GJB7: variants seen among roughly 807,000 people sequenced by gnomAD.
The protein encoded by GJB7 is gap junction beta-7 protein.
For missense variants in GJB7, 253 were observed against 256.8 expected (o/e 0.99, Z 0.10); for synonymous variants, 87 against 95.2 (o/e 0.91, Z 0.50).
chr6:87,307,449 T>C (rs1382005036), intron 2 of GJB7, among the ~76,000 whole-genome samples: 2 of 152,090 alleles, frequency 1.3e-5, no homozygotes, highest in Non-Finnish European at 2.9e-5. Flanking sequence ...ACCTACAGAA[T>C]GGGAGACAAT....
intron 2 of GJB7, among the ~76,000 whole-genome samples, chr6:87,287,904 T>A (rs577683802): frequency 3.9e-5 from 6 of 152,176 alleles, no homozygotes; most frequent in African/African-American, 7.2e-5. Context: ...TCCTATTTTT[T>A]TAAAAAAATT....
chr6:87,310,517 G>A (rs997931349), intron 2 of GJB7, among the ~76,000 whole-genome samples: 1 of 152,110 alleles, frequency 6.6e-6, no homozygotes, highest in Non-Finnish European at 1.5e-5. Context: ...TGGGAGGGGG[G>A]TGAGGGATGA....
chr6:87,314,068 T>TTTTTATA (rs1776547621), intron 2 of GJB7, among the ~76,000 whole-genome samples: 1 of 152,244 alleles, frequency 6.6e-6, no homozygotes, highest in African/African-American at 2.4e-5. Flanking sequence ...AGCTATACAT[T>TTTTTATA]TCATAAGGTA....
intron 2 of GJB7, among the ~76,000 whole-genome samples, chr6:87,321,324 T>G (rs1473659927): frequency 6.6e-6 from 1 of 152,004 alleles, no homozygotes; most frequent in Admixed American, 6.6e-5. Flanking sequence ...CATTTCAAAA[T>G]AGTCAAATAA....
chr6:87,305,929 G>C (rs1423067307), intron 2 of GJB7, among the ~76,000 whole-genome samples: 1 of 152,120 alleles, frequency 6.6e-6, no homozygotes, highest in East Asian at 1.9e-4. Flanking sequence ...AATGGGGAAA[G>C]GATTCCCTAT....
intron 1 of GJB7, among the ~76,000 whole-genome samples, chr6:87,328,786 C>G (rs576322323): frequency 1.3e-5 from 2 of 152,188 alleles, no homozygotes; most frequent in African/African-American, 2.4e-5. Flanking sequence ...CCACCCAGTT[C>G]GAGCTTCCCA....
At position 87,321,658 on chromosome 6, in the gene GJB7, G is replaced by A. The variant is rs117848164; in HGVS notation, c.-28+1208C>T. On this transcript the variant is annotated intron_variant, in intron 2 of 2. Transcript: ENST00000525899. ...GGTGGTGCTTAGAATTTTATTTTTG[G>A]TTTTTGTATTAGTCTCTTCTCACAC... is the stretch of plus-strand genomic sequence containing the variant. Among the ~76,000 whole-genome samples, 1,423 of 152,148 alleles carry A rather than the reference G, an allele frequency of 9.4e-3. 11 individuals are homozygous for A. The highest frequency in any genetic ancestry group is 0.015 in the Non-Finnish European group (1,036 of 67,990).
In GJB7 at chr6:87,284,854, G is replaced by A. The variant is rs4707358; in HGVS notation, c.59C>T (p.Thr20Ile). 894,181 of 1,613,132 alleles carry A rather than the reference G, an allele frequency of 0.55. 253,616 individuals carry two copies. Among genetic ancestry groups the A allele is most frequent in the African/African-American group, 0.85 (63,900 of 74,962 alleles). The change falls in exon 3 of 3, where the codon ACT becomes ATT. Residue 20 changes from threonine (T) to isoleucine (I), a missense_variant. Transcript: ENST00000525899. The part of the protein sequence containing the change: ...LSGVNKYSTG[T>I]GWIWLAVVFV... ...CACGACAGCCAGCCAAATCCATCCA[G>A]TCCCAGTGGAGTATTTATTTACTCC...
intron 2 of GJB7, among the ~76,000 whole-genome samples, chr6:87,298,004 G>T (rs77870382): frequency 0.022 from 3,385 of 152,260 alleles, 120 homozygotes; most frequent in African/African-American, 0.077. Flanking sequence ...AATTAAAGAG[G>T]TTTGATCAAT....
At chr6:87,309,510 A>G (rs73754188) in intron 2 of GJB7, among the ~76,000 whole-genome samples, 1,683 of 152,270 alleles carry the variant, frequency 0.011, 36 homozygotes, top group African/African-American at 0.037. Context: ...AAGCTCAGAA[A>G]CAGACCCACA....
At chr6:87,315,466 T>C (rs1217262769) in intron 2 of GJB7, among the ~76,000 whole-genome samples, 2 of 152,110 alleles carry the variant, frequency 1.3e-5, no homozygotes, top group Non-Finnish European at 2.9e-5. Flanking sequence ...CCAGCAGGGA[T>C]GTGCCCAATA....
chr6:87,283,180 G>A lies in GJB7; in HGVS notation c.*1061C>T, dbSNP rs1409886713. On this transcript the variant is annotated 3_prime_UTR_variant, in exon 3 of 3. Transcript: ENST00000525899. ...ACACATTTTACTATCTGTCCTAGAGGGAGATATACTAGTAAATTATAGGCG... is the reference window on the plus strand; with the variant it reads ...ACACATTTTACTATCTGTCCTAGAGAGAGATATACTAGTAAATTATAGGCG... The A allele has an allele frequency of 6.6e-6, 1 of 152,084 alleles. No homozygotes were observed. Among genetic ancestry groups the A allele is most frequent in the South Asian group, 2.1e-4 (1 of 4,828 alleles). The allele number at this position is 152,084 out of a possible 1,614,324, so 9.4% of individuals were successfully genotyped here.
rs1776007660 is a variant in GJB7 at position 87,283,581 on chromosome 6, G to A, written c.*660C>T. ...CCTGGGCTCTGTGGCCTTTTCCCTA[G>A]GCGGGACCTTCCTGTTGAATGTTCC... On this transcript the variant is annotated 3_prime_UTR_variant, in exon 3 of 3. Transcript: ENST00000525899. The A allele has an allele frequency of 6.6e-6, 1 of 152,424 alleles. No homozygotes were observed. The highest frequency in any genetic ancestry group is 6.5e-5 in the Admixed American group (1 of 15,274). The allele number at this position is 152,424 out of a possible 1,614,324, so 9.4% of individuals were successfully genotyped here. A position where few individuals can be genotyped will look rare whatever the true frequency, so the allele number is the denominator to read the frequency against.
intron 2 of GJB7, among the ~76,000 whole-genome samples, chr6:87,315,083 C>A (rs1253223043): frequency 6.6e-6 from 1 of 152,120 alleles, no homozygotes; most frequent in Non-Finnish European, 1.5e-5. Context: ...TGGAAGAAAG[C>A]ATCTCTTTTC....
intron 2 of GJB7, among the ~76,000 whole-genome samples, chr6:87,301,280 C>A (rs544167672): frequency 5.6e-4 from 85 of 152,264 alleles, no homozygotes; most frequent in Non-Finnish European, 9.0e-4. Flanking sequence ...CCTTTCCTAG[C>A]CAAGGGAAGC....
chr6:87,305,596 A>G lies in GJB7; in HGVS notation c.-28+17270T>C, dbSNP rs539026135. ...GAATCAATATTATGAAAATGGCCAT[A>G]CTGCCCAAGGTAATTTATAGATTCA... On this transcript the variant is annotated intron_variant, in intron 2 of 2. Transcript: ENST00000525899. 2.0e-5 allele frequency among the ~76,000 whole-genome samples: 3 copies of G among 152,342 alleles called. No homozygotes were observed. The East Asian group carries it at 5.8e-4, about 29-fold the overall frequency.
At chr6:87,297,915 C>G (rs565200225) in intron 2 of GJB7, among the ~76,000 whole-genome samples, 45 of 152,310 alleles carry the variant, frequency 3.0e-4, no homozygotes, top group Admixed American at 1.6e-3. Context: ...CTTTGGTTTT[C>G]TTATGATGAT....
chr6:87,309,151 T>C (rs948695284), intron 2 of GJB7, among the ~76,000 whole-genome samples: 2 of 152,184 alleles, frequency 1.3e-5, no homozygotes, highest in Non-Finnish European at 2.9e-5. Context: ...GCTGTCACAC[T>C]GATTCACCTT....
intron 1 of GJB7, among the ~76,000 whole-genome samples, chr6:87,325,799 T>G (rs1776804927): frequency 6.6e-6 from 1 of 152,200 alleles, no homozygotes; most frequent in African/African-American, 2.4e-5. Context: ...TTAGGGAGGA[T>G]TCCCTCTTTT....
Sources: gnomAD v4.1 joint callset for allele counts (sites outside exome capture counted in the v4.1 genomes callset) on GRCh38, gnomAD v4.1.1 for gene constraint, MANE v1.5 for transcripts, NCBI Gene and HGNC (gene_info 2026-07-23, HGNC 2026-07-21) for gene names.